The following GRIK4 variants were observed in gnomAD, a reference collection of about 807,000 sequenced individuals.
GRIK4 encodes glutamate receptor ionotropic, kainate 4.
GRIK4 carries 40 observed loss-of-function variants against 104.9 expected under a neutral mutation model. The ratio of observed to expected loss-of-function variants is 0.38; its 90% CI spans 0.30 to 0.50. GRIK4 has a LOEUF of 0.50. Among genes scored for constraint, GRIK4 ranks in the 20% least tolerant of loss-of-function variants. The probability of loss-of-function intolerance (pLI) is 0.93; values close to 1 mark genes in which losing one functional copy is unlikely to be tolerated. For synonymous variants in GRIK4, 485 were observed against 524.9 expected (o/e 0.92, Z 1.04); for missense variants, 1,047 against 1,308.1 (o/e 0.80, Z 3.08).
At chr11:120,949,002 T>A (rs1488199851) in intron 14 of GRIK4, among the ~76,000 whole-genome samples, 3 of 152,084 alleles carry the variant, frequency 2.0e-5, no homozygotes, top group African/African-American at 7.2e-5. Context: ...GGCTGCAGAG[T>A]CTGGGTTTTA....
Position 120,588,920 on chromosome 11 carries a change from G to A in GRIK4, c.-158-64765G>A, listed in dbSNP as rs563827933. On this transcript the variant is annotated intron_variant, in intron 1 of 20. Transcript: ENST00000527524. ...AGGGGGTAGAGCTAAGAGTGCAAAT[G>A]TTGGCTGGGTCTGGAAAGTCTAGAA... 2.6e-5 allele frequency among the ~76,000 whole-genome samples: 4 copies of A among 152,306 alleles called. No individual in the cohort carries two copies. In the South Asian group the frequency reaches 6.2e-4, roughly 24 times the overall value.
chr11:120,987,383 C>A lies in GRIK4; in HGVS notation c.*1123C>A, dbSNP rs978512802. 6.6e-6 allele frequency: 1 copy of A among 152,228 alleles called. No individual in the cohort carries two copies. The highest frequency in any genetic ancestry group is 2.4e-5 in the African/African-American group (1 of 41,414). The allele number at this position is 152,228 out of a possible 1,614,324, so 9.4% of individuals were successfully genotyped here. ...TGAGTGGCTGCCTATGAAGCCAGAC[C>A]CCCAAGACTATCATGGATTGGGTGG... On this transcript the variant is annotated 3_prime_UTR_variant, in exon 21 of 21. Coordinates refer to ENST00000527524, the MANE Select transcript of GRIK4 (RefSeq NM_014619.5).
chr11:120,924,265 G>GT (rs1226603640), intron 13 of GRIK4, among the ~76,000 whole-genome samples: 1 of 152,154 alleles, frequency 6.6e-6, no homozygotes, highest in African/African-American at 2.4e-5. Context: ...CCAGGCCTGA[G>GT]TGTGGCTCCC....
At chr11:120,774,958 G>A (rs982348989) in intron 3 of GRIK4, among the ~76,000 whole-genome samples, 3 of 152,184 alleles carry the variant, frequency 2.0e-5, no homozygotes, top group African/African-American at 4.8e-5. Flanking sequence ...GGTGAGAGAC[G>A]AGATAAAGAT....
intron 4 of GRIK4, among the ~76,000 whole-genome samples, chr11:120,815,110 C>T (rs1476688147): frequency 6.6e-6 from 1 of 152,262 alleles, no homozygotes; most frequent in Non-Finnish European, 1.5e-5. Context: ...ACAATTTATA[C>T]ACCCTGTTGG....
In GRIK4 at chr11:120,592,336, G is replaced by A. The variant is rs138607517; in HGVS notation, c.-158-61349G>A. 2.3e-3 allele frequency among the ~76,000 whole-genome samples: 347 copies of A among 152,292 alleles called. 1 individual carries two copies. Among genetic ancestry groups the A allele is most frequent in the Non-Finnish European group, 4.1e-3 (278 of 68,026 alleles). ...GACCTGCTAACGTGTGTGTGCACAC[G>A]CCTCTTCGGAGATGGCCGCCGTCCT... On this transcript the variant is annotated intron_variant, in intron 1 of 20. Coordinates refer to ENST00000527524, the MANE Select transcript of GRIK4 (RefSeq NM_014619.5).
intron 8 of GRIK4, among the ~76,000 whole-genome samples, chr11:120,845,861 T>C (rs1161074562): frequency 6.6e-6 from 1 of 152,178 alleles, no homozygotes; most frequent in Non-Finnish European, 1.5e-5. Context: ...TTAGTGCAAC[T>C]AGAAAAAAGA....
intron 19 of GRIK4, among the ~76,000 whole-genome samples, chr11:120,969,262 G>A (rs772100613): frequency 6.6e-6 from 1 of 152,100 alleles, no homozygotes; most frequent in Non-Finnish European, 1.5e-5. Flanking sequence ...CTTGTTCAGA[G>A]TAAAAGAAAA....
Position 120,758,520 on chromosome 11 carries a change from C to G in GRIK4, c.83-44173C>G, listed in dbSNP as rs112852926. On this transcript the variant is annotated intron_variant, in intron 3 of 20. Coordinates refer to ENST00000527524, the MANE Select transcript of GRIK4 (RefSeq NM_014619.5). The stretch of plus-strand genomic sequence containing the variant: ...ATAACCAGGGCTCCAGCATTGCCCA[C>G]CTCCCGTGGCACCATTGCAGGGTCA... Among the ~76,000 whole-genome samples the G allele has an allele frequency of 4.7e-3, 721 of 152,300 alleles. 10 individuals are homozygous for G. The highest frequency in any genetic ancestry group is 0.017 in the African/African-American group (692 of 41,568).
chr11:120,813,491 T>TAA (rs1375518410), intron 4 of GRIK4, among the ~76,000 whole-genome samples: 3 of 152,316 alleles, frequency 2.0e-5, no homozygotes, highest in East Asian at 3.9e-4. Context: ...TGATCATCAC[T>TAA]ACTTTGGCCA....
intron 3 of GRIK4, among the ~76,000 whole-genome samples, chr11:120,796,305 G>T (rs1952514232): frequency 6.6e-6 from 1 of 152,178 alleles, no homozygotes. Flanking sequence ...AAAGTGCTGG[G>T]ATTACAGGCG....
chr11:120,855,589 G>GTTTTTTTTTTT, intron 8 of GRIK4, among the ~76,000 whole-genome samples: 1 of 147,452 alleles, frequency 6.8e-6, no homozygotes, highest in Non-Finnish European at 1.5e-5. Flanking sequence ...TCGAGACAGA[G>GTTTTTTTTTTT]TCTCTGTTGC....
At chr11:120,554,463 A>G (rs1419513175) in intron 1 of GRIK4, among the ~76,000 whole-genome samples, 1 of 151,864 alleles carries the variant, frequency 6.6e-6, no homozygotes, top group African/African-American at 2.4e-5. Context: ...CTTTCTCTCC[A>G]CACTCCCCAA....
chr11:120,748,959 A>T (rs1951496457), intron 3 of GRIK4, among the ~76,000 whole-genome samples: 1 of 152,198 alleles, frequency 6.6e-6, no homozygotes, highest in African/African-American at 2.4e-5. Context: ...AATGAATTAG[A>T]AGTGGGAACC....
chr11:120,854,417 G>A (rs761734865), intron 8 of GRIK4, among the ~76,000 whole-genome samples: 24 of 152,236 alleles, frequency 1.6e-4, no homozygotes, highest in African/African-American at 1.7e-4. Flanking sequence ...GGGTGCAAGC[G>A]TTAACACTTG....
Position 120,776,092 on chromosome 11 carries a change from C to T in GRIK4, c.83-26601C>T, listed in dbSNP as rs570510009. ...CTTAATAAATGTGGCGGAGAAAGGT[C>T]AGCCTCCCAGTGTTGTGCCAATAAG... On this transcript the variant is annotated intron_variant, in intron 3 of 20. Transcript: ENST00000527524. 4.6e-5 allele frequency among the ~76,000 whole-genome samples: 7 copies of T among 152,346 alleles called. No homozygotes were observed. The South Asian group carries it at 1.5e-3, about 32-fold the overall frequency.
intron 3 of GRIK4, among the ~76,000 whole-genome samples, chr11:120,682,269 C>T (rs977409780): frequency 7.9e-5 from 12 of 152,286 alleles, no homozygotes; most frequent in African/African-American, 2.2e-4. Flanking sequence ...GACAGGCAGA[C>T]GGGTGGCGGG....
chr11:120,864,133 CT>C (rs1372104323), intron 9 of GRIK4, among the ~76,000 whole-genome samples: 1 of 152,176 alleles, frequency 6.6e-6, no homozygotes, highest in African/African-American at 2.4e-5. Flanking sequence ...GACTCAACCC[CT>C]AGCAGCAATG....
At chr11:120,700,435 G>A (rs1340145769) in intron 3 of GRIK4, among the ~76,000 whole-genome samples, 2 of 151,502 alleles carry the variant, frequency 1.3e-5, no homozygotes, top group Non-Finnish European at 2.9e-5. Flanking sequence ...CACCACACCT[G>A]GCTAATTTTT....
Sources: gnomAD v4.1 joint callset for allele counts (sites outside exome capture counted in the v4.1 genomes callset) on GRCh38, gnomAD v4.1.1 for gene constraint, MANE v1.5 for transcripts, NCBI Gene and HGNC (gene_info 2026-07-23, HGNC 2026-07-21) for gene names.